GAB2: variants seen among roughly 807,000 people sequenced by gnomAD.
GAB2 encodes the protein GRB2 associated binding protein 2, also known as GRB2-associated-binding protein 2.
In GAB2, 26 loss-of-function variants were observed where a neutral mutation model predicts 65.5. The observed-to-expected ratio is 0.40, with a 90% confidence interval of 0.29 to 0.55. The LOEUF is 0.55. Ranked by LOEUF, GAB2 falls within the 20% of genes least tolerant of loss-of-function variation. GAB2 has a pLI of 0.53. For missense variants in GAB2, 884 were observed against 875.8 expected, an observed-to-expected ratio of 1.01 and a Z score of -0.12; for synonymous variants, 321 against 329.6, an observed-to-expected ratio of 0.97 and a Z score of 0.28.
intron 1 of GAB2, among the ~76,000 whole-genome samples, chr11:78,343,638 G>C (rs1271606974): frequency 3.3e-5 from 5 of 152,182 alleles, no homozygotes; most frequent in Admixed American, 3.3e-4. Context: ...GGCAGCCACT[G>C]CTGCTTCTTG....
At chr11:78,267,995 G>A (rs936234804) in intron 2 of GAB2, among the ~76,000 whole-genome samples, 13 of 151,454 alleles carry the variant, frequency 8.6e-5, no homozygotes, top group African/African-American at 2.2e-4. Flanking sequence ...TTTCTGTAGC[G>A]CAGCCCTGCA....
intron 1 of GAB2, among the ~76,000 whole-genome samples, chr11:78,306,191 C>T (rs1248226840): frequency 1.3e-5 from 2 of 152,114 alleles, no homozygotes; most frequent in Non-Finnish European, 2.9e-5. Context: ...AATATAAATC[C>T]ATCCCAACCT....
Position 78,223,445 on chromosome 11 carries a change from G to C in GAB2, c.1534C>G (p.Pro512Ala), listed in dbSNP as rs767435145. 3 of 1,578,494 alleles carry C rather than the reference G, an allele frequency of 1.9e-6. No homozygotes were observed. Among genetic ancestry groups the C allele is most frequent in the Non-Finnish European group, 2.6e-6 (3 of 1,160,680 alleles). The change falls in exon 6 of 10, where the codon CCT (proline) becomes GCT (alanine). Residue 512 changes from proline to alanine, a missense_variant. By Grantham distance (27) the Pro-to-Ala change is conservative. Coordinates refer to ENST00000361507, the MANE Select transcript of GAB2 (RefSeq NM_080491.3). Reference protein sequence around the residue: ...PSRGSEIQPPPVNRNLKPDRK... With the variant: ...PSRGSEIQPPAVNRNLKPDRK... ...TCAGGTTTGAGGTTGCGGTTGACAGGGGGTGGCTGAATCTCACTTCCTCTG... is the reference window on the plus strand; with the variant it reads ...TCAGGTTTGAGGTTGCGGTTGACAGCGGGTGGCTGAATCTCACTTCCTCTG...
At chr11:78,401,997 C>T (rs573960766) in intron 1 of GAB2, among the ~76,000 whole-genome samples, 1 of 152,254 alleles carries the variant, frequency 6.6e-6, no homozygotes, top group Admixed American at 6.5e-5. Flanking sequence ...TGGAATAATG[C>T]CCTGGCTGCC....
intron 1 of GAB2, among the ~76,000 whole-genome samples, chr11:78,316,750 G>A (rs919456542): frequency 6.6e-6 from 1 of 152,292 alleles, no homozygotes. Context: ...ATTGAAAATA[G>A]AATTACCATA....
intron 1 of GAB2, among the ~76,000 whole-genome samples, chr11:78,360,395 T>TAAAA (rs60132161): frequency 7.1e-6 from 1 of 139,918 alleles, no homozygotes; most frequent in Non-Finnish European, 1.5e-5. Flanking sequence ...TTTCTGTATT[T>TAAAA]AAAAAAAAAA....
At chr11:78,368,715 A>C (rs1856529492) in intron 1 of GAB2, among the ~76,000 whole-genome samples, 1 of 152,150 alleles carries the variant, frequency 6.6e-6, no homozygotes, top group East Asian at 1.9e-4. Flanking sequence ...GAAAAAAAAA[A>C]GACAAGACAG....
At position 78,342,722 on chromosome 11, in the gene GAB2, G is replaced by T. The variant is rs547552952; in HGVS notation, c.76-61821C>A. 3.3e-5 allele frequency among the ~76,000 whole-genome samples: 5 copies of T among 152,178 alleles called. 1 individual carries two copies. The South Asian group carries it at 1.0e-3, about 32-fold the overall frequency. Reference sequence around the variant, plus strand: ...CGCGCCTGGCCTGCACTTCTTGTTAGATATCACAAAAAGACTTGTGTGGTA... The same window carrying T: ...CGCGCCTGGCCTGCACTTCTTGTTATATATCACAAAAAGACTTGTGTGGTA... On this transcript the variant is annotated intron_variant, in intron 1 of 9. Transcript: ENST00000361507.
intron 3 of GAB2, among the ~76,000 whole-genome samples, chr11:78,231,336 GGTGTGTGTGT>G (rs58651538): frequency 2.7e-5 from 4 of 145,898 alleles, no homozygotes; most frequent in Non-Finnish European, 4.5e-5. Flanking sequence ...GCGCGTGTGT[GGTGTGTGTGT>G]GTGTGTGTGT....
In GAB2 at chr11:78,282,839, C is replaced by T. The variant is rs532921956; in HGVS notation, c.76-1938G>A. 1.1e-4 allele frequency among the ~76,000 whole-genome samples: 16 copies of T among 152,322 alleles called. No homozygotes were observed. In the South Asian group the frequency reaches 2.3e-3, roughly 22 times the overall value. On this transcript the variant is annotated intron_variant, in intron 1 of 9. Transcript: ENST00000361507. ...ATTAATTCTACCATCTTTTCACTCT[C>T]ACCTTTCATCCCTGTCCTCTTTTCT...
chr11:78,375,184 A>T (rs59683831), intron 1 of GAB2, among the ~76,000 whole-genome samples: 3,587 of 152,298 alleles, frequency 0.024, 138 homozygotes, highest in African/African-American at 0.081. Context: ...AGCTGGGACT[A>T]CAGATGCATG....
chr11:78,302,544 T>G (rs766186785), intron 1 of GAB2, among the ~76,000 whole-genome samples: 1 of 150,902 alleles, frequency 6.6e-6, no homozygotes, highest in Non-Finnish European at 1.5e-5. Flanking sequence ...TTGGCATCGA[T>G]GCAGTGAAAA....
At chr11:78,255,521 C>T (rs557329585) in intron 2 of GAB2, among the ~76,000 whole-genome samples, 22 of 152,256 alleles carry the variant, frequency 1.4e-4, no homozygotes, top group African/African-American at 5.3e-4. Context: ...CCCTGATGGC[C>T]GAGTACCCCT....
intron 1 of GAB2, among the ~76,000 whole-genome samples, chr11:78,316,086 G>A (rs575788837): frequency 1.6e-4 from 24 of 152,198 alleles, no homozygotes; most frequent in African/African-American, 5.3e-4. Context: ...CCTGCCCTTG[G>A]ACATCAGACT....
intron 5 of GAB2, 85 bp from the exon 6 acceptor site, chr11:78,223,761 A>T: frequency 9.0e-7 from 1 of 1,112,460 alleles, no homozygotes; most frequent in Non-Finnish European, 1.3e-6. Context: ...ATGAGGCAAG[A>T]CAAGTCATGA....
chr11:78,383,581 C>CAAAAAAAAAAAAA lies in GAB2; in HGVS notation c.75+34052_75+34064dup, dbSNP rs534814220. Among the ~76,000 whole-genome samples, 453 of 55,366 alleles carry CAAAAAAAAAAAAA rather than the reference C, an allele frequency of 8.2e-3. 12 individuals are homozygous for CAAAAAAAAAAAAA. Among genetic ancestry groups the CAAAAAAAAAAAAA allele is most frequent in the African/African-American group, 0.021 (319 of 15,472 alleles). 36.3% of individuals were successfully genotyped at this position (55,366 alleles called of 152,430 possible). ...GCAACATGGCAAAACCCTGTCTCTC[C>CAAAAAAAAAAAAA]AAAAAAAAAAAAAAAAAAATACAAA... On this transcript the variant is annotated intron_variant, in intron 1 of 9. Transcript: ENST00000361507.
At chr11:78,374,482 A>G (rs1856609181) in intron 1 of GAB2, among the ~76,000 whole-genome samples, 2 of 152,212 alleles carry the variant, frequency 1.3e-5, no homozygotes, top group African/African-American at 4.8e-5. Context: ...GTCTAGTCCT[A>G]GTGCCAATTC....
chr11:78,267,975 CT>C (rs1168062673), intron 2 of GAB2, among the ~76,000 whole-genome samples: 2 of 150,634 alleles, frequency 1.3e-5, no homozygotes, highest in Non-Finnish European at 2.9e-5. Context: ...TTTTTATGGA[CT>C]GATAAAAATT....
chr11:78,235,923 C>G (rs1864967995), intron 3 of GAB2, among the ~76,000 whole-genome samples: 1 of 152,232 alleles, frequency 6.6e-6, no homozygotes, highest in South Asian at 2.1e-4. Flanking sequence ...AGCAACGCCC[C>G]ACTCTACTGG....
Sources: gnomAD v4.1 joint callset for allele counts (sites outside exome capture counted in the v4.1 genomes callset) on GRCh38, gnomAD v4.1.1 for gene constraint, MANE v1.5 for transcripts, NCBI Gene and HGNC (gene_info 2026-07-23, HGNC 2026-07-21) for gene names.